NEXMIF: variants seen among roughly 807,000 people sequenced by gnomAD.
The protein encoded by NEXMIF is neurite extension and migration factor.
Under a neutral mutation model 62.1 loss-of-function variants are expected in NEXMIF, and 8 were observed. That is an observed-to-expected ratio of 0.13 (90% CI 0.08 to 0.23). The LOEUF is 0.23. Ranked by LOEUF, NEXMIF falls within the 10% of genes least tolerant of loss-of-function variation. The pLI, the probability that NEXMIF is intolerant of heterozygous loss-of-function variation, is 1.00. For synonymous variants in NEXMIF, 404 were observed against 416.6 expected, an observed-to-expected ratio of 0.97 and a Z score of 0.37; for missense variants, 976 against 1,113.3, an observed-to-expected ratio of 0.88 and a Z score of 1.75.
At chrX:74,906,220 C>T (rs2080768984) in intron 1 of NEXMIF, among the ~76,000 whole-genome samples, 1 of 108,517 alleles carries the variant, frequency 9.2e-6, no homozygotes, top group Non-Finnish European at 1.9e-5. Context: ...CTGCAGTAAA[C>T]TGTGTTTGTG....
intron 1 of NEXMIF, among the ~76,000 whole-genome samples, chrX:74,871,294 A>G (rs768852542): frequency 5.4e-5 from 6 of 111,347 alleles, no homozygotes; most frequent in African/African-American, 1.6e-4. Context: ...AGTTTTTATT[A>G]GGGATTTTGA....
At chrX:74,858,716 T>C (rs1327525968) in intron 1 of NEXMIF, among the ~76,000 whole-genome samples, 2 of 111,036 alleles carry the variant, frequency 1.8e-5, no homozygotes, top group African/African-American at 3.3e-5. Flanking sequence ...AACAGATATG[T>C]GAACATTCAG....
At chrX:74,757,275 A>G (rs1281573245) in intron 1 of NEXMIF, among the ~76,000 whole-genome samples, 1 of 112,298 alleles carries the variant, frequency 8.9e-6, no homozygotes, top group Non-Finnish European at 1.9e-5. Context: ...TATCACAGAA[A>G]GTTCTACTAG....
Position 74,740,903 on chromosome X carries a change from C to G in NEXMIF, c.3654G>C (p.Gln1218His). Residue 1218 changes from glutamine (Q) to histidine (H), a missense_variant, in exon 3 of 4, where the codon CAG becomes CAC. Transcript: ENST00000055682. ...IEKPPGKNSR[Q>H]VPKSTKKGKY... ...TCCCTTTCTTTGTGGACTTAGGGAC[C>G]TGGCGGGAGTTTTTGCCAGGTGGTT... The G allele has an allele frequency of 8.3e-7, 1 of 1,211,685 alleles. No individual in the cohort carries two copies. The highest frequency in any genetic ancestry group is 1.1e-6 in the Non-Finnish European group (1 of 895,273).
chrX:74,885,400 C>G (rs1317128235), intron 1 of NEXMIF, among the ~76,000 whole-genome samples: 1 of 110,755 alleles, frequency 9.0e-6, no homozygotes, highest in Non-Finnish European at 1.9e-5. Flanking sequence ...AGACCGCTAG[C>G]AAGAATAATA....
intron 1 of NEXMIF, among the ~76,000 whole-genome samples, chrX:74,781,646 A>G (rs1319288702): frequency 1.9e-5 from 2 of 106,297 alleles, no homozygotes; most frequent in Non-Finnish European, 3.9e-5. Context: ...TGAAATGTAT[A>G]CTAAGATTTT....
intron 1 of NEXMIF, among the ~76,000 whole-genome samples, chrX:74,902,310 C>G (rs915377197): frequency 7.6e-4 from 83 of 109,424 alleles, no homozygotes; most frequent in African/African-American, 2.6e-3. Context: ...AACATTGGCT[C>G]TCTGTGCTGA....
chrX:74,870,763 T>C (rs1370678839), intron 1 of NEXMIF, among the ~76,000 whole-genome samples: 1 of 111,868 alleles, frequency 8.9e-6, no homozygotes, highest in African/African-American at 3.2e-5. Context: ...TACAATAAGA[T>C]ATCATCTCAC....
chrX:74,891,316 G>GTT (rs58531496), intron 1 of NEXMIF, among the ~76,000 whole-genome samples: 8 of 96,363 alleles, frequency 8.3e-5, no homozygotes, highest in Non-Finnish European at 6.3e-5. Context: ...ATTCAGGAGG[G>GTT]TTTTTTTTTT....
intron 1 of NEXMIF, among the ~76,000 whole-genome samples, chrX:74,914,404 C>T (rs890575403): frequency 1.8e-5 from 2 of 111,937 alleles, no homozygotes; most frequent in Admixed American, 9.5e-5. Context: ...GCCTGTAATC[C>T]CAGCACTGTA....
At chrX:74,786,854 T>C (rs1011973589) in intron 1 of NEXMIF, among the ~76,000 whole-genome samples, 3 of 110,796 alleles carry the variant, frequency 2.7e-5, no homozygotes, top group African/African-American at 9.8e-5. Flanking sequence ...CACATGTGCA[T>C]GTGCGTGTGT....
At chrX:74,916,529 GA>G (rs952153791) in intron 1 of NEXMIF, among the ~76,000 whole-genome samples, 5 of 111,384 alleles carry the variant, frequency 4.5e-5, no homozygotes, top group African/African-American at 1.6e-4. Context: ...ATAAGAAGAG[GA>G]AGAGAGAGAC....
At chrX:74,760,452 C>A (rs1309726284) in intron 1 of NEXMIF, among the ~76,000 whole-genome samples, 1 of 111,935 alleles carries the variant, frequency 8.9e-6, no homozygotes, top group Non-Finnish European at 1.9e-5. Context: ...GGGAGGACAT[C>A]CTTGTCTTGT....
At chrX:74,784,581 C>T (rs1469160598) in intron 1 of NEXMIF, among the ~76,000 whole-genome samples, 1 of 109,654 alleles carries the variant, frequency 9.1e-6, no homozygotes, top group African/African-American at 3.3e-5. Context: ...TAATGTACTG[C>T]TTTATACTGT....
At chrX:74,796,689 A>G (rs1471093580) in intron 1 of NEXMIF, among the ~76,000 whole-genome samples, 1 of 111,268 alleles carries the variant, frequency 9.0e-6, no homozygotes, top group African/African-American at 3.3e-5. Context: ...AACAAAATAG[A>G]TAAGGTAGTA....
intron 1 of NEXMIF, among the ~76,000 whole-genome samples, chrX:74,873,710 T>C (rs1449563327): frequency 8.9e-6 from 1 of 112,377 alleles, no homozygotes; most frequent in African/African-American, 3.2e-5. Context: ...GTGATCTCAT[T>C]GTGGTTTTGA....
intron 1 of NEXMIF, among the ~76,000 whole-genome samples, chrX:74,848,950 T>C (rs1405503440): frequency 3.6e-5 from 4 of 112,208 alleles, no homozygotes; most frequent in Non-Finnish European, 5.6e-5. Flanking sequence ...ATCTACTGAT[T>C]TCTTGATCTT....
intron 1 of NEXMIF, among the ~76,000 whole-genome samples, chrX:74,852,438 T>A (rs1015519197): frequency 5.4e-5 from 6 of 111,937 alleles, no homozygotes; most frequent in Admixed American, 3.8e-4. Context: ...AAAGAAACAT[T>A]GGATTTAAAC....
chrX:74,864,908 C>T (rs1381603343), intron 1 of NEXMIF, among the ~76,000 whole-genome samples: 1 of 111,085 alleles, frequency 9.0e-6, no homozygotes, highest in East Asian at 2.8e-4. Flanking sequence ...TGGGTTTCAC[C>T]ATGTTGGCCA....
Sources: gnomAD v4.1 joint callset for allele counts (sites outside exome capture counted in the v4.1 genomes callset) on GRCh38, gnomAD v4.1.1 for gene constraint, MANE v1.5 for transcripts, NCBI Gene and HGNC (gene_info 2026-07-23, HGNC 2026-07-21) for gene names.